Variants in ATP11B observed in about 807,000 individuals in gnomAD.
ATP11B encodes phospholipid-transporting ATPase IF.
ATP11B carries 81 observed loss-of-function variants against 157.8 expected under a neutral mutation model. The ratio of observed to expected loss-of-function variants is 0.51; its 90% CI spans 0.43 to 0.62. ATP11B has a LOEUF of 0.62. Ranked by LOEUF, ATP11B falls within the 20% of genes least tolerant of loss-of-function variation. The pLI, the probability that ATP11B is intolerant of heterozygous loss-of-function variation, is 0.00. For synonymous variants in ATP11B, 451 were observed against 469.4 expected, an observed-to-expected ratio of 0.96 and a Z score of 0.51; for missense variants, 1,165 against 1,402.2, an observed-to-expected ratio of 0.83 and a Z score of 2.70.
chr3:182,813,842 G>A (rs1004604444), intron 1 of ATP11B, among the ~76,000 whole-genome samples: 26 of 151,612 alleles, frequency 1.7e-4, no homozygotes, highest in Admixed American at 1.4e-3. Context: ...ACCCTCCTGC[G>A]TCAGCCTCCC....
intron 1 of ATP11B, among the ~76,000 whole-genome samples, chr3:182,796,537 C>G (rs542816959): frequency 6.6e-6 from 1 of 152,276 alleles, no homozygotes; most frequent in Non-Finnish European, 1.5e-5. Flanking sequence ...TTGGACAGTT[C>G]ATATTTTCAT....
intron 7 of ATP11B, among the ~76,000 whole-genome samples, chr3:182,839,557 G>A (rs1212623846): frequency 2.0e-5 from 3 of 150,624 alleles, no homozygotes; most frequent in South Asian, 2.1e-4. Context: ...CTCGTGGTAG[G>A]ATTTCTACTG....
chr3:182,829,531 C>A, intron 3 of ATP11B, 141 bp from the exon 4 acceptor site: 1 of 639,746 alleles, frequency 1.6e-6, no homozygotes, highest in Non-Finnish European at 2.7e-6. Context: ...GTCTTCCAAC[C>A]CCACATAATA....
At chr3:182,895,057 G>A (rs1442091375) in intron 25 of ATP11B, among the ~76,000 whole-genome samples, 1 of 147,288 alleles carries the variant, frequency 6.8e-6, no homozygotes, top group African/African-American at 2.5e-5. Flanking sequence ...AGATTGCAGT[G>A]AGCCGAGATC....
chr3:182,915,834 C>G (rs1438630364), intron 29 of ATP11B: 1 of 974,904 alleles, frequency 1.0e-6, no homozygotes, highest in Non-Finnish European at 1.2e-6. Flanking sequence ...TACTTCTTTT[C>G]ACTTAAAATT....
chr3:182,914,621 A>G, intron 29 of ATP11B: 16 of 985,360 alleles, frequency 1.6e-5, no homozygotes, highest in Non-Finnish European at 1.9e-5. Flanking sequence ...TTTTTAAATT[A>G]TGGAGTAAAA....
rs1209981926 is a variant in ATP11B, at chr3:182,793,575, T to C, written c.-185T>C. On this transcript the variant is annotated 5_prime_UTR_variant, in exon 1 of 30. Transcript: ENST00000323116. Reference sequence around the variant, plus strand: ...GCGGGGGCGGCGCCGGGGCCGCGCCTGTAGGACTCGGGGCCGACGCCGCGG... The same window carrying C: ...GCGGGGGCGGCGCCGGGGCCGCGCCCGTAGGACTCGGGGCCGACGCCGCGG... 3 of 372,826 alleles carry C rather than the reference T, an allele frequency of 8.0e-6. No homozygotes were observed. Among genetic ancestry groups the C allele is most frequent in the Admixed American group, 4.7e-5 (1 of 21,492 alleles). The allele number at this position is 372,826 out of a possible 1,614,324, so 23.1% of individuals were successfully genotyped here. A position where few individuals can be genotyped will look rare whatever the true frequency, so the allele number is the denominator to read the frequency against.
intron 21 of ATP11B, among the ~76,000 whole-genome samples, chr3:182,881,800 T>TA: frequency 6.6e-6 from 1 of 152,310 alleles, no homozygotes; most frequent in South Asian, 2.1e-4. Context: ...TTTAGAATCT[T>TA]ACCGTTACTC....
intron 25 of ATP11B, among the ~76,000 whole-genome samples, chr3:182,894,230 TC>T (rs1275978562): frequency 6.6e-6 from 1 of 152,212 alleles, no homozygotes; most frequent in Non-Finnish European, 1.5e-5. Context: ...ATACTTTATT[TC>T]TGTAATCTGA....
intron 8 of ATP11B, 72 bp downstream of exon 8, chr3:182,842,194 A>T: frequency 9.3e-7 from 1 of 1,073,932 alleles, no homozygotes; most frequent in Non-Finnish European, 1.4e-6. Flanking sequence ...GAAGTTCCAA[A>T]GGGAGATTAT....
intron 28 of ATP11B, chr3:182,908,558 TA>T (rs1724551819): frequency 6.6e-6 from 1 of 152,092 alleles, no homozygotes; most frequent in Non-Finnish European, 1.5e-5. Context: ...TAAAAGACAG[TA>T]TGGAAGTATT....
intron 4 of ATP11B, among the ~76,000 whole-genome samples, chr3:182,833,020 A>G (rs949979926): frequency 4.6e-5 from 7 of 152,206 alleles, no homozygotes; most frequent in Non-Finnish European, 8.8e-5. Flanking sequence ...ATATCAGACA[A>G]TAAATTGTGA....
intron 12 of ATP11B, 42 bp from the exon 13 acceptor site, chr3:182,865,414 T>C (rs1295488753): frequency 5.7e-6 from 9 of 1,591,750 alleles, no homozygotes; most frequent in Non-Finnish European, 7.7e-6. Context: ...CATAGGACCA[T>C]GAACACAAAG....
intron 1 of ATP11B, among the ~76,000 whole-genome samples, chr3:182,808,108 T>A (rs538927279): frequency 1.3e-5 from 2 of 152,224 alleles, no homozygotes; most frequent in African/African-American, 4.8e-5. Context: ...CAAGTCTTAA[T>A]CATATGTTAC....
intron 21 of ATP11B, among the ~76,000 whole-genome samples, chr3:182,882,854 G>C (rs1367658348): frequency 6.6e-6 from 1 of 152,114 alleles, no homozygotes; most frequent in Non-Finnish European, 1.5e-5. Context: ...CGTTCCAGTA[G>C]AAATAATATG....
At chr3:182,901,695 ATCAG>A (rs1342851059) in intron 28 of ATP11B, among the ~76,000 whole-genome samples, 4 of 152,242 alleles carry the variant, frequency 2.6e-5, no homozygotes, top group Non-Finnish European at 5.9e-5. Context: ...AGGTGATAAT[ATCAG>A]TTCTTGTTAC....
At position 182,807,771 on chromosome 3, in the gene ATP11B, T is replaced by G. The variant is rs142028057; in HGVS notation, c.28-12489T>G. Among the ~76,000 whole-genome samples, 468 of 152,332 alleles carry G rather than the reference T, an allele frequency of 3.1e-3. 3 individuals carry two copies. The highest frequency in any genetic ancestry group is 0.011 in the African/African-American group (438 of 41,572). On this transcript the variant is annotated intron_variant, in intron 1 of 29. Coordinates refer to ENST00000323116, the MANE Select transcript of ATP11B (RefSeq NM_014616.3). ...AATGCTATTTTAGTCAAAATTGTAC[T>G]TATTCTACATATTTTACTTTTTGTG... is the stretch of plus-strand genomic sequence containing the variant.
chr3:182,822,913 C>G (rs1394593733), intron 2 of ATP11B, among the ~76,000 whole-genome samples: 1 of 152,204 alleles, frequency 6.6e-6, no homozygotes, highest in Non-Finnish European at 1.5e-5. Flanking sequence ...GCATAAATGT[C>G]TTCTTTGGAG....
At chr3:182,883,982 A>ATACT (rs1320981517) in intron 21 of ATP11B, among the ~76,000 whole-genome samples, 5 of 91,242 alleles carry the variant, frequency 5.5e-5, no homozygotes, top group Non-Finnish European at 3.1e-5. Context: ...AAAAGAATGC[A>ATACT]GACTAAAAAC....
Sources: allele counts gnomAD v4.1 joint callset (sites outside exome capture counted in the v4.1 genomes callset), GRCh38; gene constraint gnomAD v4.1.1; transcripts MANE v1.5; gene names NCBI Gene and HGNC (gene_info 2026-07-23, HGNC 2026-07-21).